The following TMEM117 variants were observed in gnomAD, a reference collection of about 807,000 sequenced individuals.
The protein encoded by TMEM117 is transmembrane protein 117.
In TMEM117, 27 loss-of-function variants were observed where a neutral mutation model predicts 52.4. That is an observed-to-expected ratio of 0.51 (90% CI 0.38 to 0.71). The LOEUF is 0.71. Ranked by LOEUF, TMEM117 falls within the 30% of genes least tolerant of loss-of-function variation. TMEM117 has a pLI of 0.00. For missense variants in TMEM117, 556 were observed against 630.5 expected, an observed-to-expected ratio of 0.88 and a Z score of 1.26; for synonymous variants, 215 against 206.3, an observed-to-expected ratio of 1.04 and a Z score of -0.36.
At chr12:43,820,406 T>C in the TMEM117 span, among the ~76,000 whole-genome samples, 1 of 152,146 alleles carries the variant, frequency 6.6e-6, no homozygotes, top group Non-Finnish European at 1.5e-5. Flanking sequence ...CCCGAGTAGC[T>C]GGGACTACAG....
At chr12:44,349,854 C>T (rs537444638) in intron 6 of TMEM117, among the ~76,000 whole-genome samples, 18 of 152,164 alleles carry the variant, frequency 1.2e-4, no homozygotes, top group Middle Eastern at 3.4e-3. Flanking sequence ...GAGACCTAGT[C>T]CTTGCCTTCA....
intron 3 of TMEM117, among the ~76,000 whole-genome samples, chr12:43,946,406 T>TTTA (rs147787124): frequency 5.3e-5 from 7 of 131,826 alleles, no homozygotes; most frequent in African/African-American, 8.3e-5. Context: ...TTTGTTTTTT[T>TTTA]ATCTAGAGCT....
chr12:43,966,670 A>G (rs1224380616), intron 3 of TMEM117, among the ~76,000 whole-genome samples: 2 of 152,200 alleles, frequency 1.3e-5, no homozygotes, highest in African/African-American at 4.8e-5. Context: ...TTATTTTAAG[A>G]TAAAAGCTCT....
At chr12:44,013,953 A>T (rs545361550) in intron 3 of TMEM117, among the ~76,000 whole-genome samples, 12 of 152,322 alleles carry the variant, frequency 7.9e-5, no homozygotes, top group African/African-American at 2.9e-4. Flanking sequence ...AACTCCTGAC[A>T]TGTTGGAGTG....
At chr12:44,176,004 G>A (rs1365249145) in intron 4 of TMEM117, among the ~76,000 whole-genome samples, 1 of 152,140 alleles carries the variant, frequency 6.6e-6, no homozygotes, top group Non-Finnish European at 1.5e-5. Flanking sequence ...ATTTATTCAA[G>A]AAGTTTGTAA....
At chr12:44,047,427 A>C (rs532641448) in intron 3 of TMEM117, among the ~76,000 whole-genome samples, 11 of 152,302 alleles carry the variant, frequency 7.2e-5, no homozygotes, top group Admixed American at 4.6e-4. Flanking sequence ...GGATTACTAG[A>C]TATTAATATT....
At chr12:44,359,866 TA>T (rs1405259858) in intron 6 of TMEM117, among the ~76,000 whole-genome samples, 1 of 152,154 alleles carries the variant, frequency 6.6e-6, no homozygotes, top group Admixed American at 6.5e-5. Flanking sequence ...ATTTTAAAAG[TA>T]AAAATGTTAG....
intron 5 of TMEM117, among the ~76,000 whole-genome samples, chr12:44,213,256 A>G (rs1009463168): frequency 2.0e-5 from 3 of 152,196 alleles, no homozygotes; most frequent in Non-Finnish European, 4.4e-5. Context: ...CTGACTCCAG[A>G]GCCCTAGTTT....
intron 3 of TMEM117, among the ~76,000 whole-genome samples, chr12:44,110,347 A>G (rs1163217419): frequency 1.6e-5 from 2 of 127,704 alleles, no homozygotes; most frequent in East Asian, 4.8e-4. Context: ...TGGGTTTGTC[A>G]TAGATAGCTC....
Position 44,149,919 on chromosome 12 carries a change from A to G in TMEM117, c.510+6295A>G, listed in dbSNP as rs982783150. Among the ~76,000 whole-genome samples, 5 of 152,364 alleles carry G rather than the reference A, an allele frequency of 3.3e-5. No homozygotes were observed. The South Asian group carries it at 8.3e-4, about 25-fold the overall frequency. On this transcript the variant is annotated intron_variant, in intron 4 of 7. Transcript: ENST00000266534. Reference sequence around the variant, plus strand: ...AAAAATTTAAACCATGAAACTTGGAATAGAAGGCCAGGATGAGCAAACTCA... The same window carrying G: ...AAAAATTTAAACCATGAAACTTGGAGTAGAAGGCCAGGATGAGCAAACTCA...
chr12:43,806,105 G>A, the TMEM117 span: 11 of 1,522,428 alleles, frequency 7.2e-6, no homozygotes, highest in South Asian at 3.6e-5. Flanking sequence ...CTCGCCCCGC[G>A]AGACCGACTT....
In TMEM117 at chr12:44,361,111, A is replaced by G. The variant is rs971960087; in HGVS notation, c.769-15484A>G. 2.0e-5 allele frequency among the ~76,000 whole-genome samples: 3 copies of G among 152,182 alleles called. No individual in the cohort carries two copies. The East Asian group carries it at 5.8e-4, about 29-fold the overall frequency. On this transcript the variant is annotated intron_variant, in intron 6 of 7. Coordinates refer to ENST00000266534, the MANE Select transcript of TMEM117 (RefSeq NM_032256.3). ...GACATTTTTTCACAGACTCTAAAAG[A>G]CAATTAATCTAAAGTTAGATAAATT...
intron 5 of TMEM117, among the ~76,000 whole-genome samples, chr12:44,253,169 A>C (rs1209823626): frequency 6.6e-6 from 1 of 152,226 alleles, no homozygotes; most frequent in East Asian, 1.9e-4. Context: ...AAGAATAACT[A>C]ATTAAACATT....
intron 3 of TMEM117, among the ~76,000 whole-genome samples, chr12:44,131,060 G>T (rs1258029604): frequency 1.3e-5 from 2 of 151,920 alleles, no homozygotes; most frequent in Non-Finnish European, 2.9e-5. Context: ...TCTCTTTGTG[G>T]TTAATTTTGC....
intron 6 of TMEM117, among the ~76,000 whole-genome samples, chr12:44,321,630 G>GA (rs1951130544): frequency 1.3e-5 from 2 of 152,134 alleles, no homozygotes; most frequent in Non-Finnish European, 2.9e-5. Context: ...TGGAGAGATG[G>GA]AAAATTGCAA....
At chr12:44,118,905 A>G (rs1386729170) in intron 3 of TMEM117, among the ~76,000 whole-genome samples, 3 of 152,220 alleles carry the variant, frequency 2.0e-5, no homozygotes, top group Non-Finnish European at 4.4e-5. Flanking sequence ...TCCAGTTCTC[A>G]GGTGTCATTT....
intron 3 of TMEM117, among the ~76,000 whole-genome samples, chr12:43,990,241 C>G (rs1054804079): frequency 6.6e-6 from 1 of 152,054 alleles, no homozygotes; most frequent in Non-Finnish European, 1.5e-5. Flanking sequence ...TTTCAACCCA[C>G]GTGAAAAATG....
At chr12:43,981,257 A>G (rs1190391907) in intron 3 of TMEM117, among the ~76,000 whole-genome samples, 1 of 152,128 alleles carries the variant, frequency 6.6e-6, no homozygotes, top group Non-Finnish European at 1.5e-5. Context: ...AGACCACTTG[A>G]ATAAAGGCTT....
upstream of TMEM117, among the ~76,000 whole-genome samples, chr12:43,832,694 T>C (rs1017591580): frequency 6.6e-6 from 1 of 152,186 alleles, no homozygotes. Flanking sequence ...AAGTATTATG[T>C]AAGATGAGAG....
Sources: allele counts gnomAD v4.1 joint callset (sites outside exome capture counted in the v4.1 genomes callset), GRCh38; gene constraint gnomAD v4.1.1; transcripts MANE v1.5; gene names NCBI Gene and HGNC (gene_info 2026-07-23, HGNC 2026-07-21).